Variants in RNASET2 observed in about 807,000 individuals in gnomAD.
The protein encoded by RNASET2 is ribonuclease 6.
Under a neutral mutation model 33.9 loss-of-function variants are expected in RNASET2, and 28 were observed. The ratio of observed to expected loss-of-function variants is 0.83; its 90% CI spans 0.61 to 1.13. The LOEUF (loss-of-function observed/expected upper bound fraction) is 1.13. Among genes scored for constraint, RNASET2 ranks in the 50% most tolerant of loss-of-function variants. RNASET2 has a pLI of 0.00. For synonymous variants in RNASET2, 123 were observed against 121.0 expected, an observed-to-expected ratio of 1.02 and a Z score of -0.11; for missense variants, 330 against 319.9, an observed-to-expected ratio of 1.03 and a Z score of -0.24.
chr6:166,939,053 G>T, intron 5 of RNASET2, 45 bp from the exon 6 acceptor site: 2 of 1,398,014 alleles, frequency 1.4e-6, no homozygotes, highest in Non-Finnish European at 2.0e-6. Context: ...AGTGAAACAG[G>T]CTGCGTGCAG....
chr6:166,950,301 C>T (rs1038975962), intron 2 of RNASET2, among the ~76,000 whole-genome samples: 4 of 152,184 alleles, frequency 2.6e-5, no homozygotes, highest in Admixed American at 1.3e-4. Context: ...AAGTTGATGC[C>T]AGGCAGCTTC....
intron 6 of RNASET2, chr6:166,935,214 T>C (rs1464155790): frequency 1.4e-5 from 1 of 70,488 alleles, no homozygotes; most frequent in Non-Finnish European, 2.7e-5. Flanking sequence ...GACTTTGCAG[T>C]TAAAAAAAAA....
chr6:166,938,634 G>A (rs777708490), intron 6 of RNASET2: 29 of 718,482 alleles, frequency 4.0e-5, no homozygotes, highest in Middle Eastern at 2.4e-4. Flanking sequence ...CCCTATGGCC[G>A]ACTCTGATGA....
intron 7 of RNASET2, chr6:166,931,500 C>T (rs1455283040): frequency 6.5e-6 from 2 of 309,898 alleles, no homozygotes; most frequent in Non-Finnish European, 1.2e-5. Context: ...GCTTTCTCAG[C>T]CCTGTCCACT....
At chr6:166,939,120 G>A (rs1351979684) in intron 5 of RNASET2, 112 bp from the exon 6 acceptor site, 3 of 797,760 alleles carry the variant, frequency 3.8e-6, no homozygotes, top group Admixed American at 1.8e-5. Context: ...GATCACCTGA[G>A]ATCAGGAGTT....
At chr6:166,942,055 C>CTTTTT (rs1449351659) in intron 5 of RNASET2, among the ~76,000 whole-genome samples, 1 of 33,442 alleles carries the variant, frequency 3.0e-5, no homozygotes, top group Non-Finnish European at 5.1e-5. Flanking sequence ...TAGAAGACAT[C>CTTTTT]TTCTTTTTTT....
rs960189479 is a variant in RNASET2, at chr6:166,922,890, T to C, written c.*6698A>G. Reference sequence around the variant, plus strand: ...CCAAAGCTGTACACGCCAGGTTCAATGTCTTTGCTGGTAAAAATGGGCCAC... The same window carrying C: ...CCAAAGCTGTACACGCCAGGTTCAACGTCTTTGCTGGTAAAAATGGGCCAC... On this transcript the variant is annotated 3_prime_UTR_variant, in exon 9 of 9. Transcript: ENST00000508775. Among the ~76,000 whole-genome samples the C allele has an allele frequency of 1.3e-5, 2 of 152,332 alleles. No individual in the cohort carries two copies. The highest frequency in any genetic ancestry group is 3.9e-4 in the East Asian group (2 of 5,192).
rs1055749023 is a variant in RNASET2 at position 166,924,676 on chromosome 6, C to T, written c.*4912G>A. Among the ~76,000 whole-genome samples the T allele has an allele frequency of 6.6e-5, 10 of 152,216 alleles. No homozygotes were observed. Among genetic ancestry groups the T allele is most frequent in the African/African-American group, 2.4e-4 (10 of 41,452 alleles). On this transcript the variant is annotated 3_prime_UTR_variant, in exon 9 of 9. Transcript: ENST00000508775. ...CAGCATCAAATGCACCAGCTATGCT[C>T]CTCTTTTCCCTTGCCGTCTGTTGCC...
At chr6:166,940,909 G>A (rs1169197188) in intron 5 of RNASET2, among the ~76,000 whole-genome samples, 1 of 152,026 alleles carries the variant, frequency 6.6e-6, no homozygotes, top group Non-Finnish European at 1.5e-5. Flanking sequence ...GGCCACAACA[G>A]GCAGCCAGTC....
At position 166,923,964 on chromosome 6, in the gene RNASET2, C is replaced by T. The variant is rs370068983; in HGVS notation, c.*5624G>A. 1.1e-4 allele frequency among the ~76,000 whole-genome samples: 16 copies of T among 152,302 alleles called. No homozygotes were observed. In the East Asian group the frequency reaches 2.9e-3, roughly 28 times the overall value. On this transcript the variant is annotated 3_prime_UTR_variant, in exon 9 of 9. Transcript: ENST00000508775. ...CAATTCTCAGCTGCCTTAGGACCTG[C>T]ATTAAATTATTTTTATTCCTGATCC...
At chr6:166,950,988 G>A (rs1400487948) in intron 2 of RNASET2, among the ~76,000 whole-genome samples, 1 of 152,180 alleles carries the variant, frequency 6.6e-6, no homozygotes, top group Non-Finnish European at 1.5e-5. Flanking sequence ...CTGGGCCCAG[G>A]GGACCACTAC....
At chr6:166,949,912 G>C (rs1268482486) in intron 2 of RNASET2, among the ~76,000 whole-genome samples, 1 of 152,218 alleles carries the variant, frequency 6.6e-6, no homozygotes, top group Non-Finnish European at 1.5e-5. Context: ...GGGCACCAGG[G>C]ACAGCCCTCA....
Position 166,933,954 on chromosome 6 carries a change from T to C in RNASET2, c.492+137A>G. On this transcript the variant is annotated intron_variant, in intron 7 of 8. Coordinates refer to ENST00000508775, the MANE Select transcript of RNASET2 (RefSeq NM_003730.6). The surrounding 1 kb of genome is among the most constrained non-coding windows in gnomAD (Gnocchi z 4.1). ...AGGAAAATAAAATGCAAATAAAATCTGTTCACATGATAACATTTAAGTAGG... is the reference window on the plus strand; with the variant it reads ...AGGAAAATAAAATGCAAATAAAATCCGTTCACATGATAACATTTAAGTAGG... 1 of 759,232 alleles carries C rather than the reference T, an allele frequency of 1.3e-6. No homozygotes were observed. Among genetic ancestry groups the C allele is most frequent in the South Asian group, 1.4e-5 (1 of 70,744 alleles). 47.0% of individuals were successfully genotyped at this position (759,232 alleles called of 1,614,324 possible). A position where few individuals can be genotyped will look rare whatever the true frequency, so the allele number is the denominator to read the frequency against.
chr6:166,954,374 G>A (rs1281485515), intron 1 of RNASET2, among the ~76,000 whole-genome samples: 9 of 152,206 alleles, frequency 5.9e-5, no homozygotes. Context: ...TTATGCTAAT[G>A]TTTACTTCCA....
chr6:166,948,474 A>C lies in RNASET2; in HGVS notation c.203+96T>G, dbSNP rs757442836. 6.4e-5 allele frequency: 53 copies of C among 825,532 alleles called. No homozygotes were observed. The African/African-American group carries it at 6.8e-4, about 11-fold the overall frequency. 51.1% of individuals were successfully genotyped at this position (825,532 alleles called of 1,614,324 possible). A position where few individuals can be genotyped will look rare whatever the true frequency, so the allele number is the denominator to read the frequency against. On this transcript the variant is annotated intron_variant, in intron 3 of 8. Coordinates refer to ENST00000508775, the MANE Select transcript of RNASET2 (RefSeq NM_003730.6). ...TAGTCTATTGGATAAACTCCTAAAA[A>C]TAAAAAACAAGAATAAATATTAAGA... is the stretch of plus-strand genomic sequence containing the variant.
chr6:166,952,855 G>A (rs557687560), intron 1 of RNASET2: 2 of 386,294 alleles, frequency 5.2e-6, no homozygotes, highest in South Asian at 2.4e-5. Context: ...CTCACTGAAG[G>A]GAAGCCACTG....
intron 1 of RNASET2, among the ~76,000 whole-genome samples, chr6:166,955,175 C>CCA (rs144459587): frequency 0.14 from 17,607 of 128,370 alleles, 3,223 homozygotes; most frequent in African/African-American, 0.18. Flanking sequence ...TGGGCGGCTG[C>CCA]CACACACACA....
At position 166,926,466 on chromosome 6, in the gene RNASET2, AG is replaced by A. The variant is rs1778305075; in HGVS notation, c.*3121del. Among the ~76,000 whole-genome samples, 1 of 150,398 alleles carries A rather than the reference AG, an allele frequency of 6.6e-6. No individual in the cohort carries two copies. The highest frequency in any genetic ancestry group is 1.5e-5 in the Non-Finnish European group (1 of 67,680). On this transcript the variant is annotated 3_prime_UTR_variant, in exon 9 of 9. Transcript: ENST00000508775. ...GAAGAATTGCTTGAACCCAGGAGAC[AG>A]AGGTTGCAGTGAGCCGAGATCGCAC... is the stretch of plus-strand genomic sequence containing the variant.
At chr6:166,936,146 TTTCCTATAA>T (rs1366963375) in intron 6 of RNASET2, among the ~76,000 whole-genome samples, 1 of 152,244 alleles carries the variant, frequency 6.6e-6, no homozygotes, top group Non-Finnish European at 1.5e-5. Flanking sequence ...AGAATATAAT[TTTCCTATAA>T]TTGTTCTTTA....
Sources: gnomAD v4.1 joint callset for allele counts (sites outside exome capture counted in the v4.1 genomes callset) on GRCh38, gnomAD v4.1.1 for gene constraint, Gnocchi (gnomAD v3.1) non-coding constraint, MANE v1.5 for transcripts, NCBI Gene and HGNC (gene_info 2026-07-23, HGNC 2026-07-21) for gene names.